The following TASP1 variants were observed in gnomAD, a reference collection of about 807,000 sequenced individuals.
TASP1 encodes threonine aspartase 1.
TASP1 carries 16 observed loss-of-function variants against 56.6 expected under a neutral mutation model. That is an observed-to-expected ratio of 0.28 (90% CI 0.19 to 0.43). TASP1 has a LOEUF of 0.43. Among genes scored for constraint, TASP1 ranks in the 20% least tolerant of loss-of-function variants. TASP1 has a pLI of 1.00. For missense variants in TASP1, 393 were observed against 511.6 expected (o/e 0.77, Z 2.24); for synonymous variants, 179 against 184.2 (o/e 0.97, Z 0.23).
the TASP1 span, chr20:13,166,746 A>C: frequency 1.3e-5 from 2 of 152,212 alleles, no homozygotes; most frequent in African/African-American, 4.8e-5. Context: ...AAAGCAATAA[A>C]CATCTTCCTT....
At position 13,417,463 on chromosome 20, in the gene TASP1, C is replaced by T. The variant is rs756709667; in HGVS notation, c.1155G>A (p.Gln385=). ...TCCCACTTACCTTGGCTTTCCCATC[C>T]TGGGCTGACATATATCCGACACACA... ...ESMCVGYMSA[Q]DGKAKTHISR... Residue 385 remains glutamine (Q), a synonymous_variant, in exon 13 of 14, where the codon CAG becomes CAA. Coordinates refer to ENST00000337743, the MANE Select transcript of TASP1 (RefSeq NM_017714.3). 6.2e-7 allele frequency: 1 copy of T among 1,614,140 alleles called. No homozygotes were observed. Among genetic ancestry groups the T allele is most frequent in the East Asian group, 2.2e-5 (1 of 44,880 alleles).
At chr20:13,598,815 A>C (rs1269318047) in intron 4 of TASP1, among the ~76,000 whole-genome samples, 2 of 152,228 alleles carry the variant, frequency 1.3e-5, no homozygotes, top group Non-Finnish European at 2.9e-5. Context: ...CAGAATCTGC[A>C]AAGAACTTAA....
chr20:13,132,793 T>A, the TASP1 span: 1 of 152,354 alleles, frequency 6.6e-6, no homozygotes, highest in East Asian at 1.9e-4. Flanking sequence ...TCTCTCATCC[T>A]AAAAAGACTT....
chr20:13,208,125 T>C, the TASP1 span, among the ~76,000 whole-genome samples: 4 of 152,190 alleles, frequency 2.6e-5, no homozygotes, highest in Non-Finnish European at 4.4e-5. Context: ...ACTAAAATTA[T>C]AGAGACAAGT....
chr20:13,146,480 C>G, the TASP1 span, among the ~76,000 whole-genome samples: 2 of 152,286 alleles, frequency 1.3e-5, no homozygotes, highest in South Asian at 4.1e-4. Context: ...AGGCCCTCAG[C>G]TTCCCATATT....
chr20:13,279,607 GA>G, the TASP1 span: 1 of 1,598,794 alleles, frequency 6.3e-7, no homozygotes, highest in Non-Finnish European at 8.5e-7. Context: ...ACTCCACACT[GA>G]CCCCAGCCTG....
intron 8 of TASP1, among the ~76,000 whole-genome samples, chr20:13,547,778 T>C (rs563994393): frequency 2.6e-5 from 4 of 152,250 alleles, no homozygotes; most frequent in East Asian, 1.9e-4. Context: ...ACTGGTAGTA[T>C]GTCTACTAAA....
intron 10 of TASP1, among the ~76,000 whole-genome samples, chr20:13,498,166 A>G (rs1373577714): frequency 6.6e-6 from 1 of 152,204 alleles, no homozygotes; most frequent in African/African-American, 2.4e-5. Context: ...ACCCATCAAC[A>G]GAGTAGACAG....
the TASP1 span, among the ~76,000 whole-genome samples, chr20:13,333,573 T>C: frequency 6.6e-6 from 1 of 151,038 alleles, no homozygotes; most frequent in African/African-American, 2.4e-5. Flanking sequence ...TCTTTTAAAA[T>C]GATATAGTTG....
the TASP1 span, chr20:13,221,652 C>A: frequency 2.5e-6 from 2 of 788,090 alleles, no homozygotes; most frequent in Non-Finnish European, 3.3e-6. Context: ...GGAAGCGGAG[C>A]CCTGGCGGGA....
chr20:13,288,503 G>A, the TASP1 span: 1 of 1,605,224 alleles, frequency 6.2e-7, no homozygotes, highest in East Asian at 2.2e-5. Context: ...AGACTCTTTG[G>A]CCAAAGTTGA....
At chr20:13,297,171 T>A in the TASP1 span, among the ~76,000 whole-genome samples, 4 of 152,174 alleles carry the variant, frequency 2.6e-5, no homozygotes, top group African/African-American at 9.7e-5. Flanking sequence ...CTAAGTCCTA[T>A]GGGGAAAGGG....
intron 4 of TASP1, among the ~76,000 whole-genome samples, chr20:13,619,586 C>A (rs2048641306): frequency 6.6e-6 from 1 of 152,206 alleles, no homozygotes; most frequent in Non-Finnish European, 1.5e-5. Flanking sequence ...AAGAAATTCA[C>A]ATCACAAGTT....
the TASP1 span, among the ~76,000 whole-genome samples, chr20:13,327,069 T>A: frequency 6.6e-6 from 1 of 152,202 alleles, no homozygotes; most frequent in Admixed American, 6.5e-5. Context: ...AACCCCATTA[T>A]CTCAGCCCAA....
the TASP1 span, among the ~76,000 whole-genome samples, chr20:13,177,924 G>A: frequency 6.6e-6 from 1 of 152,054 alleles, no homozygotes; most frequent in South Asian, 2.1e-4. Context: ...AAACTAAAAA[G>A]CTTCCACACA....
chr20:13,152,034 T>C, the TASP1 span, among the ~76,000 whole-genome samples: 7 of 151,126 alleles, frequency 4.6e-5, no homozygotes, highest in Admixed American at 1.3e-4. Flanking sequence ...GAAATGAGAG[T>C]TTTATTGATC....
rs2049026469 is a variant in TASP1, at chr20:13,629,961, G to A, written c.118C>T (p.Arg40Ter). Reference protein sequence around the residue: ...LETKQSYKEKRGGFVLVHAGA... With the variant: ...LETKQSYKEK ...GCATGCACCAACACAAAGCCTCCTCGTTTCTCTTTATAGGACTGCTTTGTT... is the reference window on the plus strand; with the variant it reads ...GCATGCACCAACACAAAGCCTCCTCATTTCTCTTTATAGGACTGCTTTGTT... Residue 40 changes from arginine (R) to a stop codon, truncating the protein, a stop_gained, in exon 2 of 14, where the codon CGA becomes TGA. Transcript: ENST00000337743. LOFTEE classifies it high-confidence loss of function. 6.2e-7 allele frequency: 1 copy of A among 1,613,404 alleles called. No homozygotes were observed. The highest frequency in any genetic ancestry group is 8.5e-7 in the Non-Finnish European group (1 of 1,179,788).
chr20:13,418,044 C>T (rs1211463388), intron 12 of TASP1, among the ~76,000 whole-genome samples: 1 of 152,184 alleles, frequency 6.6e-6, no homozygotes, highest in Non-Finnish European at 1.5e-5. Context: ...TCCTGAGTAG[C>T]TGGGATGACA....
At position 13,617,658 on chromosome 20, in the gene TASP1, G is replaced by A. The variant is rs7266264; in HGVS notation, c.282+5788C>T. On this transcript the variant is annotated intron_variant, in intron 4 of 13. Transcript: ENST00000337743. ...AATGTACAGGAAACTGGAGATGCTC[G>A]TTTATTTAAATAATTTTAAACTTCC... is the stretch of plus-strand genomic sequence containing the variant. 4.4e-3 allele frequency among the ~76,000 whole-genome samples: 666 copies of A among 152,244 alleles called. 4 individuals are homozygous for A. The highest frequency in any genetic ancestry group is 0.014 in the African/African-American group (598 of 41,546).
Sources: allele counts gnomAD v4.1 joint callset (sites outside exome capture counted in the v4.1 genomes callset), GRCh38; gene constraint gnomAD v4.1.1; transcripts MANE v1.5; gene names NCBI Gene and HGNC (gene_info 2026-07-23, HGNC 2026-07-21).